GPR83: variants seen among roughly 807,000 people sequenced by gnomAD.
The protein encoded by GPR83 is G protein-coupled receptor 83.
Under a neutral mutation model 28.0 loss-of-function variants are expected in GPR83, and 23 were observed. The ratio of observed to expected loss-of-function variants is 0.82; its 90% CI spans 0.59 to 1.16. GPR83 has a LOEUF of 1.16. Among genes scored for constraint, GPR83 ranks in the 50% most tolerant of loss-of-function variants. The probability of loss-of-function intolerance (pLI) is 0.00; values close to 1 mark genes in which losing one functional copy is unlikely to be tolerated. For synonymous variants in GPR83, 234 were observed against 215.4 expected (o/e 1.09, Z -0.76); for missense variants, 610 against 536.6 (o/e 1.14, Z -1.35).
At chr11:94,395,471 C>T (rs1460365818) in intron 2 of GPR83, among the ~76,000 whole-genome samples, 1 of 152,156 alleles carries the variant, frequency 6.6e-6, no homozygotes, top group Non-Finnish European at 1.5e-5. Flanking sequence ...GGGCTTGGAG[C>T]CAGACAGACC....
intron 3 of GPR83, among the ~76,000 whole-genome samples, chr11:94,385,659 A>G (rs896676088): frequency 1.3e-5 from 2 of 152,234 alleles, no homozygotes; most frequent in African/African-American, 4.8e-5. Context: ...AAATGAATAA[A>G]AAGAAATGAA....
In GPR83 at chr11:94,397,026, T is replaced by C. The variant is rs147897815; in HGVS notation, c.388-502A>G. On this transcript the variant is annotated intron_variant, in intron 1 of 3. Transcript: ENST00000243673. ...GCTATCTTTATGTGCAATAACAAAA[T>C]TCATTCTTGGTCCACACAAGTTCAC... 3.4e-3 allele frequency among the ~76,000 whole-genome samples: 525 copies of C among 152,308 alleles called. 2 individuals carry two copies. The highest frequency in any genetic ancestry group is 5.5e-3 in the Non-Finnish European group (371 of 68,024).
At chr11:94,380,883 C>A (rs529253995) in intron 3 of GPR83, 110 bp from the exon 4 acceptor site, 2 of 888,414 alleles carry the variant, frequency 2.3e-6, no homozygotes, top group Non-Finnish European at 3.4e-6. Flanking sequence ...GCTCCTGGTA[C>A]ATCCATCTAA....
rs1274474765 is a variant in GPR83 at position 94,377,541 on chromosome 11, C to A, written c.*2608G>T. ...CTGGGACTTGGCAGTACTGAAGGTC[C>A]CGGACTAACAATGATTCAACTTAGG... On this transcript the variant is annotated 3_prime_UTR_variant, in exon 4 of 4. Transcript: ENST00000243673. 2.0e-5 allele frequency: 3 copies of A among 152,008 alleles called. No individual in the cohort carries two copies. Among genetic ancestry groups the A allele is most frequent in the Non-Finnish European group, 4.4e-5 (3 of 68,026 alleles). The allele number at this position is 152,008 out of a possible 1,614,324, so 9.4% of individuals were successfully genotyped here. A position where few individuals can be genotyped will look rare whatever the true frequency, so the allele number is the denominator to read the frequency against.
Position 94,400,961 on chromosome 11 carries a change from A to C in GPR83, c.287T>G (p.Ile96Ser). Residue 96 changes from isoleucine to serine, a missense_variant, in exon 1 of 4, where the codon ATC becomes AGC. Coordinates refer to ENST00000243673, the MANE Select transcript of GPR83 (RefSeq NM_016540.4). The stretch of plus-strand genomic sequence containing the variant: ...CGAGTGCATTCGCTGGTTCTTGAAG[A>C]TGACATGACAGACCAGGACGTTGCC... ...LFGNVLVCHV[I>S]FKNQRMHSAT... 6.2e-7 allele frequency: 1 copy of C among 1,614,144 alleles called. No homozygotes were observed. Among genetic ancestry groups the C allele is most frequent in the Non-Finnish European group, 8.5e-7 (1 of 1,179,974 alleles).
chr11:94,393,149 C>G (rs898545565), intron 3 of GPR83, among the ~76,000 whole-genome samples: 1 of 152,150 alleles, frequency 6.6e-6, no homozygotes, highest in Non-Finnish European at 1.5e-5. Context: ...AGGTTTACAC[C>G]TTGCTCCTTT....
intron 3 of GPR83, among the ~76,000 whole-genome samples, chr11:94,385,242 T>C (rs890913444): frequency 2.0e-5 from 3 of 151,784 alleles, no homozygotes; most frequent in African/African-American, 7.3e-5. Flanking sequence ...ACCACAAAGA[T>C]GGGGAAAAAA....
At position 94,393,471 on chromosome 11, in the gene GPR83, C is replaced by T. The variant is rs771296658; in HGVS notation, c.647+14G>A. The T allele has an allele frequency of 1.4e-5, 22 of 1,613,290 alleles. No individual in the cohort carries two copies. The highest frequency in any genetic ancestry group is 8.0e-5 in the African/African-American group (6 of 74,880). On this transcript the variant is annotated intron_variant, in intron 3 of 3. Coordinates refer to ENST00000243673, the MANE Select transcript of GPR83 (RefSeq NM_016540.4). ...ACACAAGTCCCCAGGCAGATCCCAA[C>T]GAATTCATCTCACCTGTATTTGAAG...
At chr11:94,383,036 CG>C (rs200785602) in intron 3 of GPR83, among the ~76,000 whole-genome samples, 12,405 of 151,758 alleles carry the variant, frequency 0.082, 589 homozygotes, top group South Asian at 0.19. Flanking sequence ...GGCTTGGTAG[CG>C]GGCACCTGTA....
At chr11:94,393,641 C>A (rs780459201) in intron 2 of GPR83, 23 bp from the exon 3 acceptor site, 4 of 1,612,850 alleles carry the variant, frequency 2.5e-6, no homozygotes, top group South Asian at 1.1e-5. Context: ...CAAACCACAT[C>A]ACTAACTGAA....
chr11:94,382,540 T>C (rs1031642213), intron 3 of GPR83, among the ~76,000 whole-genome samples: 6 of 152,060 alleles, frequency 3.9e-5, no homozygotes, highest in Non-Finnish European at 7.4e-5. Context: ...AAGTAAGTTC[T>C]CAGAGACCTA....
At chr11:94,383,041 A>G (rs927320361) in intron 3 of GPR83, among the ~76,000 whole-genome samples, 2 of 151,624 alleles carry the variant, frequency 1.3e-5, no homozygotes, top group African/African-American at 4.8e-5. Context: ...GGTAGCGGGC[A>G]CCTGTAGTCC....
At position 94,380,264 on chromosome 11, in the gene GPR83, G is replaced by A. The variant is rs376237987; in HGVS notation, c.1157C>T (p.Thr386Ile). Residue 386 changes from threonine to isoleucine, a missense_variant, in exon 4 of 4, where the codon ACA (threonine) becomes ATA (isoleucine). Coordinates refer to ENST00000243673, the MANE Select transcript of GPR83 (RefSeq NM_016540.4). Reference protein sequence around the residue: ...SPVPSFRVAWTEKNDGQRAPL... With the variant: ...SPVPSFRVAWIEKNDGQRAPL... Reference sequence around the variant, plus strand: ...AGCCCTCTGGCCATCATTCTTCTCTGTCCAGGCCACCCTGAAGGAAGGAAC... The same window carrying A: ...AGCCCTCTGGCCATCATTCTTCTCTATCCAGGCCACCCTGAAGGAAGGAAC... The A allele has an allele frequency of 3.8e-6, 6 of 1,569,496 alleles. No homozygotes were observed. The highest frequency in any genetic ancestry group is 4.3e-6 in the Non-Finnish European group (5 of 1,157,646).
intron 3 of GPR83, among the ~76,000 whole-genome samples, chr11:94,390,371 G>A (rs1944805416): frequency 6.6e-6 from 1 of 151,832 alleles, no homozygotes; most frequent in African/African-American, 2.4e-5. Flanking sequence ...ATATCATAAT[G>A]AGTGAACAAA....
chr11:94,385,763 G>C (rs924308780), intron 3 of GPR83, among the ~76,000 whole-genome samples: 3 of 152,190 alleles, frequency 2.0e-5, no homozygotes, highest in African/African-American at 7.2e-5. Context: ...AACCAAGTTG[G>C]AAAACACTCT....
At chr11:94,394,857 T>G (rs1407534186) in intron 2 of GPR83, among the ~76,000 whole-genome samples, 1 of 152,160 alleles carries the variant, frequency 6.6e-6, no homozygotes, top group Non-Finnish European at 1.5e-5. Flanking sequence ...TGCAGTAACA[T>G]GGTCAACATG....
intron 3 of GPR83, among the ~76,000 whole-genome samples, chr11:94,391,411 CAA>C (rs1944815340): frequency 6.6e-6 from 1 of 152,122 alleles, no homozygotes; most frequent in South Asian, 2.1e-4. Flanking sequence ...TAGGCATGGG[CAA>C]AGACTTCATG....
chr11:94,400,774 C>T (rs35814524), intron 1 of GPR83, 87 bp downstream of exon 1: 20,017 of 1,241,672 alleles, frequency 0.016, 486 homozygotes, highest in African/African-American at 0.087. Context: ...CACAGGGAGA[C>T]GCAGAACGGC....
In GPR83 at chr11:94,380,616, A is replaced by T. The variant is rs776113991; in HGVS notation, c.805T>A (p.Cys269Ser). The T allele has an allele frequency of 2.7e-5, 44 of 1,613,960 alleles. No individual in the cohort carries two copies. The Admixed American group carries it at 6.8e-4, about 25-fold the overall frequency. Residue 269 changes from cysteine to serine, a missense_variant, in exon 4 of 4, where the codon TGT becomes AGT. By Grantham distance (112) the Cys-to-Ser change is moderately radical. Transcript: ENST00000243673. Reference sequence around the variant, plus strand: ...GTGGTCACATCGCCAATCATATTACACAGCCACAGTTTCTTGGCCACACGA... The same window carrying T: ...GTGGTCACATCGCCAATCATATTACTCAGCCACAGTTTCTTGGCCACACGA... ...YARVAKKLWL[C>S]NMIGDVTTEQ...
Sources: gnomAD v4.1 joint callset for allele counts (sites outside exome capture counted in the v4.1 genomes callset) on GRCh38, gnomAD v4.1.1 for gene constraint, MANE v1.5 for transcripts, NCBI Gene and HGNC (gene_info 2026-07-23, HGNC 2026-07-21) for gene names.